Variants in VWF observed in about 807,000 individuals in gnomAD.
VWF encodes von Willebrand factor.
A neutral mutation model predicts 308.6 loss-of-function variants in VWF; 176 were observed. The ratio of observed to expected loss-of-function variants is 0.57; its 90% confidence interval spans 0.50 to 0.65. VWF has a LOEUF of 0.65. Among genes scored for constraint, VWF ranks in the 30% least tolerant of loss-of-function variants. The probability of loss-of-function intolerance (pLI) is 0.00; values close to 1 mark genes in which losing one functional copy is unlikely to be tolerated. For missense variants in VWF, 3,146 were observed against 3,648.2 expected (o/e 0.86, Z 3.55); for synonymous variants, 1,385 against 1,443.4 (o/e 0.96, Z 0.92).
chr12:6,089,838 C>T (rs1945011245), intron 6 of VWF, among the ~76,000 whole-genome samples: 1 of 152,176 alleles, frequency 6.6e-6, no homozygotes, highest in African/African-American at 2.4e-5. Flanking sequence ...CTGAAGCACC[C>T]ACCACCTCCC....
Position 5,949,162 on chromosome 12 carries a change from G to C in VWF, c.8295C>G (p.Asn2765Lys). 1 of 1,614,268 alleles carries C rather than the reference G, an allele frequency of 6.2e-7. No homozygotes were observed. The highest frequency in any genetic ancestry group is 8.5e-7 in the Non-Finnish European group (1 of 1,180,048). Residue 2765 changes from asparagine (N) to lysine (K), a missense_variant, in exon 52 of 52, where the codon AAC (asparagine) becomes AAG (lysine). By Grantham distance (94) the Asn-to-Lys change is moderately conservative. This residue lies in a region of VWF where 989 missense variants were observed against 1,117.4 expected (regional missense o/e 0.89). Transcript: ENST00000261405. ...ASKAMYSIDI[N>K]DVQDQCSCCS... The stretch of plus-strand genomic sequence containing the variant: ...AGCAGGAGCACTGGTCCTGCACATC[G>C]TTGATGTCAATGGAGTACATGGCTT...
chr12:5,952,532 A>G lies in VWF; in HGVS notation c.7987-13T>C, dbSNP rs375747195. On this transcript the variant is annotated splice_polypyrimidine_tract_variant and intron_variant, in intron 48 of 51. Transcript: ENST00000261405. The stretch of plus-strand genomic sequence containing the variant: ...GCGTCTCATCACGCTGGAAGGAAAG[A>G]GGAGTGGGTAAAGTCAGAGACAGTG... 1.2e-5 allele frequency: 20 copies of G among 1,612,870 alleles called. No homozygotes were observed. The African/African-American group carries it at 1.9e-4, about 15-fold the overall frequency.
Position 6,019,645 on chromosome 12 carries a change from T to C in VWF, c.3773A>G (p.Tyr1258Cys), listed in dbSNP as rs781111573. The C allele has an allele frequency of 2.2e-5, 35 of 1,613,700 alleles. No individual in the cohort carries two copies. The highest frequency in any genetic ancestry group is 3.3e-5 in the Admixed American group (2 of 59,998). Residue 1258 changes from tyrosine (Y) to cysteine (C), a missense_variant, in exon 28 of 52, where the codon TAT becomes TGT. Tyr to Cys is a radical substitution (Grantham distance 194). Transcript: ENST00000261405. This position sits in a 1 kb window ranked among gnomAD's most constrained non-coding sequence, Gnocchi z 5.8. ...CGGCGGTTCCGAGATGTCCTCCACA[T>C]ACAGAGTGGTGGGGCTCACCGGGGC... is the stretch of plus-strand genomic sequence containing the variant. ...TDAPVSPTTL[Y>C]VEDISEPPLH...
At chr12:6,044,229 C>A in intron 18 of VWF, 62 bp downstream of exon 18, 1 of 1,602,298 alleles carries the variant, frequency 6.2e-7, no homozygotes. Flanking sequence ...ACAGCCCCCT[C>A]ACTCATCCCT....
intron 47 of VWF, among the ~76,000 whole-genome samples, chr12:5,965,832 G>A (rs951314109): frequency 9.8e-5 from 15 of 152,310 alleles, no homozygotes; most frequent in African/African-American, 3.6e-4. Flanking sequence ...ATTCAGCAAG[G>A]CTTGAGAGAT....
chr12:6,079,378 G>A (rs1393051204), intron 6 of VWF, among the ~76,000 whole-genome samples: 3 of 152,160 alleles, frequency 2.0e-5, no homozygotes, highest in Admixed American at 6.5e-5. Flanking sequence ...AGGCCAAGGC[G>A]GGCGGATCAA....
intron 15 of VWF, among the ~76,000 whole-genome samples, chr12:6,055,761 T>TACACACACACACACACAC (rs35414262): frequency 0.021 from 2,801 of 135,254 alleles, 48 homozygotes; most frequent in East Asian, 0.034. Context: ...TATATATGTA[T>TACACACACACACACACAC]ACACACACAC....
intron 3 of VWF, among the ~76,000 whole-genome samples, chr12:6,115,694 G>C (rs762468808): frequency 2.0e-5 from 3 of 152,134 alleles, no homozygotes; most frequent in Admixed American, 6.5e-5. Context: ...TTTACAGCAG[G>C]ATTTCTCCAC....
intron 47 of VWF, among the ~76,000 whole-genome samples, chr12:5,964,071 G>T: frequency 6.6e-6 from 1 of 152,034 alleles, no homozygotes; most frequent in Non-Finnish European, 1.5e-5. Flanking sequence ...AAAAAAATTA[G>T]CTGGGCATGG....
intron 47 of VWF, among the ~76,000 whole-genome samples, chr12:5,956,359 C>T (rs559085279): frequency 1.3e-3 from 204 of 152,260 alleles, no homozygotes; most frequent in African/African-American, 4.4e-3. Flanking sequence ...TCACAGAAGA[C>T]GACATCTCCA....
chr12:6,076,647 T>A (rs1159349619), intron 6 of VWF, among the ~76,000 whole-genome samples: 1 of 152,146 alleles, frequency 6.6e-6, no homozygotes. Flanking sequence ...AATATCTCAA[T>A]GGAAGGACTG....
rs933432842 is a variant in VWF, at chr12:5,988,350, C to G, written c.6799-2685G>C. Among the ~76,000 whole-genome samples the G allele has an allele frequency of 2.0e-5, 3 of 152,146 alleles. No homozygotes were observed. The East Asian group carries it at 5.8e-4, about 29-fold the overall frequency. On this transcript the variant is annotated intron_variant, in intron 38 of 51. Transcript: ENST00000261405. ...AAAGACACAGCGGCTGCCACTCCAG[C>G]TGGGAAGGTGGAGGGAGGGGCCCAG...
chr12:6,012,673 C>CA (rs925018224), intron 32 of VWF, among the ~76,000 whole-genome samples: 3 of 148,454 alleles, frequency 2.0e-5, no homozygotes, highest in Admixed American at 6.7e-5. Context: ...GCCCCCGCCA[C>CA]AAAAAAAGCG....
chr12:6,023,876 A>T (rs148081285), intron 24 of VWF, 89 bp from the exon 25 acceptor site: 3 of 1,483,980 alleles, frequency 2.0e-6, no homozygotes, highest in Non-Finnish European at 2.8e-6. Context: ...CTGATGGTCA[A>T]TTTAAGGATA....
Position 6,019,864 on chromosome 12 carries a change from A to G in VWF, c.3675-121T>C. ...ATCTCCTCTGTTCCACCTGAACTTGAGATCCCATGGACCATTCCACATCCA... is the reference window on the plus strand; with the variant it reads ...ATCTCCTCTGTTCCACCTGAACTTGGGATCCCATGGACCATTCCACATCCA... On this transcript the variant is annotated intron_variant, in intron 27 of 51. Coordinates refer to ENST00000261405, the MANE Select transcript of VWF (RefSeq NM_000552.5). This position sits in a 1 kb window ranked among gnomAD's most constrained non-coding sequence, Gnocchi z 5.8. 8.6e-7 allele frequency: 1 copy of G among 1,168,678 alleles called. No individual in the cohort carries two copies. The highest frequency in any genetic ancestry group is 1.2e-6 in the Non-Finnish European group (1 of 813,734). 72.4% of individuals were successfully genotyped at this position (1,168,678 alleles called of 1,614,324 possible).
chr12:6,074,624 C>T (rs1944820422), intron 7 of VWF, among the ~76,000 whole-genome samples: 1 of 152,078 alleles, frequency 6.6e-6, no homozygotes, highest in Non-Finnish European at 1.5e-5. Context: ...CTGAGACACA[C>T]GTGTGCAGTG....
chr12:6,008,638 C>T (rs1464636680), intron 34 of VWF, among the ~76,000 whole-genome samples: 1 of 152,194 alleles, frequency 6.6e-6, no homozygotes, highest in Non-Finnish European at 1.5e-5. Context: ...CTCACCACTT[C>T]TATTCAACAT....
In VWF at chr12:6,108,968, G is replaced by A. The variant is rs557860117; in HGVS notation, c.532+1406C>T. On this transcript the variant is annotated intron_variant, in intron 5 of 51. Transcript: ENST00000261405. ...TGCACTCCAGCCTGGGTGACAGAGC[G>A]AGACTCCGTCTCAAAAAAAAAAAAA... Among the ~76,000 whole-genome samples, 766 of 143,076 alleles carry A rather than the reference G, an allele frequency of 5.4e-3. 8 individuals are homozygous for A. The highest frequency in any genetic ancestry group is 0.018 in the African/African-American group (684 of 38,532). 93.9% of individuals were successfully genotyped at this position (143,076 alleles called of 152,430 possible).
In VWF at chr12:5,984,382, A is replaced by G. The variant is rs77112826; in HGVS notation, c.6976+663T>C. On this transcript the variant is annotated intron_variant, in intron 40 of 51. Coordinates refer to ENST00000261405, the MANE Select transcript of VWF (RefSeq NM_000552.5). Reference sequence around the variant, plus strand: ...ATTTCTGATCAATTTCATGAGTACAAATAAGTTTCTCCGATTATATGATTT... The same window carrying G: ...ATTTCTGATCAATTTCATGAGTACAGATAAGTTTCTCCGATTATATGATTT... 1.4e-4 allele frequency among the ~76,000 whole-genome samples: 21 copies of G among 152,350 alleles called. No homozygotes were observed. In the East Asian group the frequency reaches 3.9e-3, roughly 28 times the overall value.
Sources: gnomAD v4.1 joint callset for allele counts (sites outside exome capture counted in the v4.1 genomes callset) on GRCh38, gnomAD v4.1.1 for gene constraint, gnomAD v4.1.1 regional missense constraint, Gnocchi (gnomAD v3.1) non-coding constraint, MANE v1.5 for transcripts, NCBI Gene and HGNC (gene_info 2026-07-23, HGNC 2026-07-21) for gene names.